The following PRG4 variants were observed in gnomAD, a reference collection of about 807,000 sequenced individuals.
The protein encoded by PRG4 is proteoglycan 4.
Under a neutral mutation model 91.2 loss-of-function variants are expected in PRG4, and 61 were observed. The observed-to-expected ratio is 0.67, with a 90% CI of 0.54 to 0.83. The LOEUF (loss-of-function observed/expected upper bound fraction) is 0.83. PRG4 is among the 40% of genes least tolerant of loss of function. The pLI is 0.00. For missense variants in PRG4, 1,564 were observed against 1,714.2 expected, an observed-to-expected ratio of 0.91 and a Z score of 1.55; for synonymous variants, 576 against 614.2, an observed-to-expected ratio of 0.94 and a Z score of 0.92.
At position 186,308,808 on chromosome 1, in the gene PRG4, A is replaced by G. The variant is rs748171435; in HGVS notation, c.3089A>G (p.Lys1030Arg). Residue 1030 changes from lysine (K) to arginine (R), a missense_variant, in exon 7 of 13, where the codon AAA (lysine) becomes AGA (arginine). Physicochemically the swap from Lys to Arg is conservative, Grantham distance 26. This residue lies in a region of PRG4 where 1,079 missense variants were observed against 1,162.2 expected (regional missense o/e 0.93). Transcript: ENST00000445192. ...KPQKPTKAPK[K>R]PTSTKKPKTM... ...CAAAAGCCAACCAAAGCACCCAAAAAACCCACTTCTACCAAAAAGCCAAAA... is the reference window on the plus strand; with the variant it reads ...CAAAAGCCAACCAAAGCACCCAAAAGACCCACTTCTACCAAAAAGCCAAAA... 6.2e-6 allele frequency: 10 copies of G among 1,613,860 alleles called. No homozygotes were observed. The highest frequency in any genetic ancestry group is 1.3e-5 in the African/African-American group (1 of 75,022).
intron 8 of PRG4, among the ~76,000 whole-genome samples, chr1:186,310,159 T>A (rs1657087240): frequency 6.7e-6 from 1 of 150,212 alleles, no homozygotes; most frequent in African/African-American, 2.4e-5. Flanking sequence ...AGTTAAAATT[T>A]AAAAAATAAA....
At chr1:186,309,730 AAAG>A in intron 7 of PRG4, 60 bp from the exon 8 acceptor site, 1 of 1,243,766 alleles carries the variant, frequency 8.0e-7, no homozygotes, top group Non-Finnish European at 1.2e-6. Flanking sequence ...AAAGACTTGA[AAAG>A]AACATACAGA....
At chr1:186,311,718 G>GA (rs1363774624) in intron 10 of PRG4, 122 bp downstream of exon 10, 2 of 1,103,912 alleles carry the variant, frequency 1.8e-6, no homozygotes, top group African/African-American at 1.6e-5. Flanking sequence ...TATTTTCAGT[G>GA]AAAAAAATCA....
chr1:186,303,566 C>G (rs1407645040), intron 4 of PRG4, among the ~76,000 whole-genome samples: 1 of 151,576 alleles, frequency 6.6e-6, no homozygotes, highest in Admixed American at 6.6e-5. Context: ...TAAGTTGTAT[C>G]TTTGGGAAGG....
Position 186,313,888 on chromosome 1 carries a change from TA to T in PRG4, c.*115del. 6.6e-7 allele frequency: 1 copy of T among 1,512,618 alleles called. No individual in the cohort carries two copies. The highest frequency in any genetic ancestry group is 1.1e-5 in the South Asian group (1 of 88,516). 93.7% of individuals were successfully genotyped at this position (1,512,618 alleles called of 1,614,324 possible). A position where few individuals can be genotyped will look rare whatever the true frequency, so the allele number is the denominator to read the frequency against. ...TGACATGAGTATACCAGTTTATATATAAAAATGTTTTTAAACTTGACAATCA... is the reference window on the plus strand; with the variant it reads ...TGACATGAGTATACCAGTTTATATATAAAATGTTTTTAAACTTGACAATCA... On this transcript the variant is annotated 3_prime_UTR_variant, in exon 13 of 13. Transcript: ENST00000445192.
At chr1:186,301,530 T>C in intron 3 of PRG4, 62 bp from the exon 4 acceptor site, 1 of 1,610,098 alleles carries the variant, frequency 6.2e-7, no homozygotes, top group South Asian at 1.1e-5. Flanking sequence ...GAAATGGCTG[T>C]CAAATACGTG....
chr1:186,314,299 TA>T lies in PRG4; in HGVS notation c.*528del, dbSNP rs1248008637. On this transcript the variant is annotated 3_prime_UTR_variant, in exon 13 of 13. Transcript: ENST00000445192. The stretch of plus-strand genomic sequence containing the variant: ...AATCACAAAGCTTTATCGTGTTGTA[TA>T]AAAAAATTAACAATATAATGGCAAT... The T allele has an allele frequency of 1.0e-5, 4 of 399,836 alleles. No homozygotes were observed. Among genetic ancestry groups the T allele is most frequent in the East Asian group, 4.3e-5 (1 of 23,350 alleles). 24.8% of individuals were successfully genotyped at this position (399,836 alleles called of 1,614,324 possible). A position where few individuals can be genotyped will look rare whatever the true frequency, so the allele number is the denominator to read the frequency against.
At position 186,307,890 on chromosome 1, in the gene PRG4, C is replaced by A. The variant is rs1656841157; in HGVS notation, c.2171C>A (p.Thr724Asn). 1 of 1,556,610 alleles carries A rather than the reference C, an allele frequency of 6.4e-7. No individual in the cohort carries two copies. The highest frequency in any genetic ancestry group is 1.1e-5 in the South Asian group (1 of 89,668). Reference protein sequence around the residue: ...PTTLKEPAPTTPKKPAPKELA... With the variant: ...PTTLKEPAPTNPKKPAPKELA... ...ACCCTCAAGGAACCTGCACCCACTA[C>A]TCCCAAGAAGCCTGCCCCCAAGGAG... Residue 724 changes from threonine to asparagine, a missense_variant, in exon 7 of 13, where the codon ACT becomes AAT. Thr to Asn is a moderately conservative substitution (Grantham distance 65). Around this residue, in one of 3 missense-constraint regions of PRG4, gnomAD observed 1,079 missense variants for 1,162.2 expected, o/e 0.93. Coordinates refer to ENST00000445192, the MANE Select transcript of PRG4 (RefSeq NM_005807.6).
intron 12 of PRG4, 68 bp from the exon 13 acceptor site, chr1:186,313,613 C>G: frequency 1.1e-6 from 1 of 912,968 alleles, no homozygotes; most frequent in Non-Finnish European, 1.8e-6. Flanking sequence ...TAATAGTCAA[C>G]ATAAGTTATT....
At chr1:186,298,947 AG>A (rs1656026911) in intron 2 of PRG4, among the ~76,000 whole-genome samples, 1 of 152,148 alleles carries the variant, frequency 6.6e-6, no homozygotes, top group Non-Finnish European at 1.5e-5. Flanking sequence ...GTACGCAAAA[AG>A]TTCTGAAAGT....
rs1657039582 is a variant in PRG4 at position 186,309,784 on chromosome 1, T to C, written c.3422-9T>C. 1.9e-6 allele frequency: 3 copies of C among 1,604,290 alleles called. No individual in the cohort carries two copies. In the East Asian group the frequency reaches 6.7e-5, roughly 36 times the overall value. On this transcript the variant is annotated splice_polypyrimidine_tract_variant and intron_variant, in intron 7 of 12. Coordinates refer to ENST00000445192, the MANE Select transcript of PRG4 (RefSeq NM_005807.6). ...TCTATATTTGTTTTGTTTTTGTTAA[T>C]TTGTTTAGATGAGACCAATATATGC...
rs1656391863 is a variant in PRG4, at chr1:186,304,091, G to T, written c.320-17G>T. 6.2e-7 allele frequency: 1 copy of T among 1,613,464 alleles called. No homozygotes were observed. Among genetic ancestry groups the T allele is most frequent in the African/African-American group, 1.3e-5 (1 of 74,918 alleles). Reference sequence around the variant, plus strand: ...ACATAAACAAGATGTTAACTGACTTGTCTTACTTGGCCTCAGTGCATAATC... The same window carrying T: ...ACATAAACAAGATGTTAACTGACTTTTCTTACTTGGCCTCAGTGCATAATC... On this transcript the variant is annotated splice_polypyrimidine_tract_variant and intron_variant, in intron 4 of 12. Coordinates refer to ENST00000445192, the MANE Select transcript of PRG4 (RefSeq NM_005807.6).
chr1:186,304,143 G>A lies in PRG4; in HGVS notation c.355G>A (p.Ala119Thr), dbSNP rs759802774. 119 of 1,613,986 alleles carry A rather than the reference G, an allele frequency of 7.4e-5. No homozygotes were observed. Among genetic ancestry groups the A allele is most frequent in the Non-Finnish European group, 9.7e-5 (115 of 1,179,972 alleles). The change falls in exon 5 of 13, where the codon GCA becomes ACA. Residue 119 changes from alanine to threonine, a missense_variant. By Grantham distance (58) the Ala-to-Thr change is moderately conservative. This residue lies in a region of PRG4 where 437 missense variants were observed against 459.0 expected (regional missense o/e 0.95). Transcript: ENST00000445192. ...CACATCACCACCATCTTCAAAGAAA[G>A]CACCTCCACCTTCAGGAGCATCTCA... ...NPTSPPSSKK[A>T]PPPSGASQTI...
In PRG4 at chr1:186,306,784, C is replaced by T. The variant is rs1480449677; in HGVS notation, c.1065C>T (p.Pro355=). ...TTPKEPTPTT[P]KEPASTTPKE... Reference sequence around the variant, plus strand: ...CCAAGGAGCCCACGCCCACCACTCCCAAGGAGCCTGCATCTACCACACCCA... The same window carrying T: ...CCAAGGAGCCCACGCCCACCACTCCTAAGGAGCCTGCATCTACCACACCCA... The change falls in exon 7 of 13, where the codon CCC becomes CCT. Residue 355 remains proline (P), a synonymous_variant. Transcript: ENST00000445192. The T allele has an allele frequency of 1.2e-6, 2 of 1,612,994 alleles. No homozygotes were observed. The highest frequency in any genetic ancestry group is 2.2e-5 in the South Asian group (2 of 91,050).
chr1:186,310,515 C>G (rs1002400476), intron 8 of PRG4, among the ~76,000 whole-genome samples: 4 of 152,104 alleles, frequency 2.6e-5, no homozygotes, highest in African/African-American at 9.7e-5. Flanking sequence ...CCGGATCTCC[C>G]TCTGTCACCC....
At position 186,307,232 on chromosome 1, in the gene PRG4, G is replaced by A. The variant is rs769688265; in HGVS notation, c.1513G>A (p.Glu505Lys). Residue 505 changes from glutamate (E) to lysine (K), a missense_variant, in exon 7 of 13, where the codon GAG (glutamate) becomes AAG (lysine). Around this residue, in one of 3 missense-constraint regions of PRG4, gnomAD observed 1,079 missense variants for 1,162.2 expected, o/e 0.93. Coordinates refer to ENST00000445192, the MANE Select transcript of PRG4 (RefSeq NM_005807.6). ...PKEPAPTTPK[E>K]PAPTTTKEPS... ...GGAGCCTGCACCCACCACTCCCAAG[G>A]AGCCTGCACCCACCACCACCAAGGA... The A allele has an allele frequency of 2.9e-5, 44 of 1,522,048 alleles. No individual in the cohort carries two copies. In the Admixed American group the frequency reaches 7.3e-4, roughly 25 times the overall value. The allele number at this position is 1,522,048 out of a possible 1,614,324, so 94.3% of individuals were successfully genotyped here. A position where few individuals can be genotyped will look rare whatever the true frequency, so the allele number is the denominator to read the frequency against.
intron 2 of PRG4, among the ~76,000 whole-genome samples, chr1:186,298,222 A>C (rs1207783372): frequency 6.6e-6 from 1 of 152,084 alleles, no homozygotes; most frequent in Non-Finnish European, 1.5e-5. Flanking sequence ...CTCTATACAA[A>C]ATACAAAAAA....
chr1:186,313,056 C>G, intron 12 of PRG4, 162 bp downstream of exon 12: 1 of 735,196 alleles, frequency 1.4e-6, no homozygotes, highest in Admixed American at 2.5e-5. Context: ...GCTTTAATTT[C>G]AATTAAAATG....
intron 12 of PRG4, 161 bp downstream of exon 12, chr1:186,313,055 T>G: frequency 4.1e-6 from 3 of 736,724 alleles, no homozygotes; most frequent in Non-Finnish European, 6.7e-6. Flanking sequence ...TGCTTTAATT[T>G]CAATTAAAAT....
Sources: allele counts gnomAD v4.1 joint callset (sites outside exome capture counted in the v4.1 genomes callset), GRCh38; gene constraint gnomAD v4.1.1; regional missense constraint gnomAD v4.1.1; transcripts MANE v1.5; gene names NCBI Gene and HGNC (gene_info 2026-07-23, HGNC 2026-07-21).